The following PTPRA variants were observed in gnomAD, a reference collection of about 807,000 sequenced individuals.
The protein encoded by PTPRA is receptor-type tyrosine-protein phosphatase alpha.
In PTPRA, 25 loss-of-function variants were observed where a neutral mutation model predicts 104.8. The ratio of observed to expected loss-of-function variants is 0.24; its 90% CI spans 0.17 to 0.33. PTPRA has a LOEUF of 0.33. Among genes scored for constraint, PTPRA ranks in the 10% least tolerant of loss-of-function variants. PTPRA has a pLI of 1.00. For synonymous variants in PTPRA, 323 were observed against 368.9 expected, an observed-to-expected ratio of 0.88 and a Z score of 1.43; for missense variants, 765 against 1,015.3, an observed-to-expected ratio of 0.75 and a Z score of 3.35.
chr20:2,889,633 T>A (rs2058720442), intron 1 of PTPRA, among the ~76,000 whole-genome samples: 1 of 152,228 alleles, frequency 6.6e-6, no homozygotes, highest in Non-Finnish European at 1.5e-5. Context: ...GTCTTTTCTT[T>A]CTGGGATTGT....
intron 6 of PTPRA, 88 bp downstream of exon 6, chr20:2,975,329 G>A (rs2062387253): frequency 8.5e-7 from 1 of 1,181,902 alleles, no homozygotes; most frequent in East Asian, 2.7e-5. Context: ...TGGTAACCGT[G>A]TGCATCTGTG....
intron 20 of PTPRA, among the ~76,000 whole-genome samples, chr20:3,031,907 T>G (rs552387146): frequency 6.6e-6 from 1 of 152,358 alleles, no homozygotes; most frequent in African/African-American, 2.4e-5. Flanking sequence ...AACCCAGTTA[T>G]ATGCCTCTAT....
At chr20:3,000,682 A>G (rs2063587373) in intron 9 of PTPRA, among the ~76,000 whole-genome samples, 1 of 152,128 alleles carries the variant, frequency 6.6e-6, no homozygotes, top group Non-Finnish European at 1.5e-5. Flanking sequence ...ACCGTCTCAA[A>G]TGGAGCACTA....
At chr20:2,910,589 G>GTTTTTTTTTTTTTTTTTTT (rs1423909050) in intron 1 of PTPRA, among the ~76,000 whole-genome samples, 20 of 57,972 alleles carry the variant, frequency 3.4e-4, no homozygotes, top group East Asian at 1.2e-3. Flanking sequence ...TTTTTTTTTT[G>GTTTTTTTTTTTTTTTTTTT]TTTTTTTTTT....
In PTPRA at chr20:3,033,388, A is replaced by G. The variant is rs1028562816; in HGVS notation, c.1921-2197A>G. Among the ~76,000 whole-genome samples the G allele has an allele frequency of 7.9e-5, 12 of 151,820 alleles. 1 individual carries two copies. The highest frequency in any genetic ancestry group is 2.9e-4 in the African/African-American group (12 of 41,344). On this transcript the variant is annotated intron_variant, in intron 20 of 23. Coordinates refer to ENST00000399903, the MANE Select transcript of PTPRA (RefSeq NM_001385305.1). Reference sequence around the variant, plus strand: ...TGCCACTGAGTCCTGATACAGGCAGAGCCTCCCCACTTTTCTCCAGCGTAA... The same window carrying G: ...TGCCACTGAGTCCTGATACAGGCAGGGCCTCCCCACTTTTCTCCAGCGTAA...
At chr20:2,934,715 A>G (rs1406635957) in intron 2 of PTPRA, among the ~76,000 whole-genome samples, 1 of 129,816 alleles carries the variant, frequency 7.7e-6, no homozygotes, top group Non-Finnish European at 1.5e-5. Flanking sequence ...CTCTGTCACC[A>G]GGCTGGAGTG....
intron 1 of PTPRA, among the ~76,000 whole-genome samples, chr20:2,877,662 ATTTAT>A (rs1358335823): frequency 2.0e-5 from 3 of 152,218 alleles, no homozygotes; most frequent in Non-Finnish European, 4.4e-5. Context: ...CAACATTAAA[ATTTAT>A]TTTAATGTAT....
chr20:2,881,272 C>A (rs2090033996), intron 1 of PTPRA, among the ~76,000 whole-genome samples: 1 of 151,572 alleles, frequency 6.6e-6, no homozygotes, highest in Non-Finnish European at 1.5e-5. Context: ...GATCTCGCCA[C>A]TGCACTCAAG....
intron 1 of PTPRA, among the ~76,000 whole-genome samples, chr20:2,907,267 T>C (rs1290048275): frequency 1.3e-5 from 2 of 151,978 alleles, no homozygotes; most frequent in East Asian, 3.9e-4. Context: ...CTGAAAGCAG[T>C]CTTATTGTTG....
intron 1 of PTPRA, among the ~76,000 whole-genome samples, chr20:2,885,257 C>A (rs1159394882): frequency 6.6e-6 from 1 of 152,118 alleles, no homozygotes; most frequent in Non-Finnish European, 1.5e-5. Context: ...AGTGGTATTG[C>A]ATTATGTTTT....
At chr20:2,955,868 G>A (rs1292929265) in intron 3 of PTPRA, among the ~76,000 whole-genome samples, 2 of 152,046 alleles carry the variant, frequency 1.3e-5, no homozygotes, top group South Asian at 2.1e-4. Flanking sequence ...GTCATTGCCT[G>A]TCTGCCATTC....
chr20:2,992,817 G>A (rs1187389116), intron 9 of PTPRA, among the ~76,000 whole-genome samples: 1 of 152,230 alleles, frequency 6.6e-6, no homozygotes, highest in Non-Finnish European at 1.5e-5. Context: ...CAGAGGCTGG[G>A]CACAGTGGCT....
chr20:2,959,438 T>C (rs2061665720), intron 3 of PTPRA, among the ~76,000 whole-genome samples: 1 of 152,234 alleles, frequency 6.6e-6, no homozygotes, highest in Non-Finnish European at 1.5e-5. Context: ...CTGTTCGTTT[T>C]TCTCGTCTGT....
In PTPRA at chr20:2,956,584, T is replaced by C. The variant is rs1003368892; in HGVS notation, c.-6-7688T>C. Among the ~76,000 whole-genome samples the C allele has an allele frequency of 4.6e-5, 7 of 152,210 alleles. No individual in the cohort carries two copies. The East Asian group carries it at 1.2e-3, about 25-fold the overall frequency. The stretch of plus-strand genomic sequence containing the variant: ...TGACCCTTGTCTTGGCCAATTACTC[T>C]TTATCCTTCCAAGTTCAATGATTGT... On this transcript the variant is annotated intron_variant, in intron 3 of 23. Transcript: ENST00000399903.
intron 2 of PTPRA, among the ~76,000 whole-genome samples, chr20:2,938,626 A>G (rs760512340): frequency 2.0e-4 from 31 of 151,846 alleles, no homozygotes; most frequent in Non-Finnish European, 2.6e-4. Flanking sequence ...TTTCTTTTCA[A>G]TCTACTTTCT....
At chr20:2,976,343 A>G (rs1028834391) in intron 6 of PTPRA, among the ~76,000 whole-genome samples, 5 of 152,218 alleles carry the variant, frequency 3.3e-5, no homozygotes, top group African/African-American at 1.2e-4. Context: ...AATAAAGTCA[A>G]AAGTCAAAGT....
At chr20:2,892,100 G>T (rs182535761) in intron 1 of PTPRA, among the ~76,000 whole-genome samples, 164 of 152,006 alleles carry the variant, frequency 1.1e-3, no homozygotes, top group Middle Eastern at 0.01. Flanking sequence ...GACCAGCCTG[G>T]CCAATATGGT....
intron 1 of PTPRA, among the ~76,000 whole-genome samples, chr20:2,919,472 T>A (rs1341599416): frequency 6.6e-6 from 1 of 152,208 alleles, no homozygotes; most frequent in African/African-American, 2.4e-5. Flanking sequence ...AAAGGAAGAT[T>A]GCCTACAGTG....
intron 3 of PTPRA, among the ~76,000 whole-genome samples, chr20:2,953,918 A>ATT (rs768214041): frequency 1.9e-4 from 25 of 131,296 alleles, no homozygotes; most frequent in African/African-American, 2.8e-4. Context: ...TGTTTTTACT[A>ATT]TTTTTTTTTT....
Sources: gnomAD v4.1 joint callset for allele counts (sites outside exome capture counted in the v4.1 genomes callset) on GRCh38, gnomAD v4.1.1 for gene constraint, MANE v1.5 for transcripts, NCBI Gene and HGNC (gene_info 2026-07-23, HGNC 2026-07-21) for gene names.